TNXB: variants seen among roughly 807,000 people sequenced by gnomAD.
The protein encoded by TNXB is tenascin XB.
TNXB carries 183 observed loss-of-function variants against 340.5 expected under a neutral mutation model. The observed-to-expected ratio is 0.54, with a 90% CI of 0.48 to 0.61. The LOEUF (loss-of-function observed/expected upper bound fraction) is 0.61. Ranked by LOEUF, TNXB falls within the 20% of genes least tolerant of loss-of-function variation. The pLI is 0.00. For missense variants in TNXB, 4,613 were observed against 5,446.4 expected, an observed-to-expected ratio of 0.85 and a Z score of 4.82; for synonymous variants, 2,121 against 2,314.5, an observed-to-expected ratio of 0.92 and a Z score of 2.40.
chr6:32,067,755 C>A lies in TNXB; in HGVS notation c.6450G>T (p.Val2150=), dbSNP rs1439828406. ...RVGGEESEVT[V]GGLEPGRKYK... ...ACTTGCGCCCAGGCTCCAGGCCCCC[C>A]ACGGTGACTTCACTCTCCTCGCCCC... The change falls in exon 18 of 44, where the codon GTG becomes GTT. Residue 2150 remains valine, a synonymous_variant. Coordinates refer to ENST00000644971, the MANE Select transcript of TNXB (RefSeq NM_001365276.2). The surrounding 1 kb of genome is among the most constrained non-coding windows in gnomAD (Gnocchi z 4.2). 2 of 1,613,592 alleles carry A rather than the reference C, an allele frequency of 1.2e-6. No homozygotes were observed. The highest frequency in any genetic ancestry group is 1.1e-5 in the South Asian group (1 of 91,050).
intron 24 of TNXB, 110 bp from the exon 25 acceptor site, chr6:32,053,821 C>T (rs1200553132): frequency 1.2e-5 from 15 of 1,261,622 alleles, no homozygotes; most frequent in Admixed American, 2.1e-5. Context: ...CTGCCCACAG[C>T]GCCTCCAGCA....
rs924848630 is a variant in TNXB at position 32,083,089 on chromosome 6, C to T, written c.3446-763G>A. 3.9e-5 allele frequency among the ~76,000 whole-genome samples: 6 copies of T among 152,160 alleles called. 1 individual carries two copies. Among genetic ancestry groups the T allele is most frequent in the Non-Finnish European group, 8.8e-5 (6 of 68,042 alleles). On this transcript the variant is annotated intron_variant, in intron 8 of 43. Coordinates refer to ENST00000644971, the MANE Select transcript of TNXB (RefSeq NM_001365276.2). The surrounding 1 kb of genome is among the most constrained non-coding windows in gnomAD (Gnocchi z 4.6). ...ACCAGGCAGCAGCTCTCATGCAGGC[C>T]AGGGGTGGCCTTGCCATTGCTAAAT...
chr6:32,073,852 G>A lies in TNXB; in HGVS notation c.4476C>T (p.Leu1492=), dbSNP rs761004296. 2 of 1,611,608 alleles carry A rather than the reference G, an allele frequency of 1.2e-6. No individual in the cohort carries two copies. Among genetic ancestry groups the A allele is most frequent in the African/African-American group, 1.3e-5 (1 of 74,960 alleles). Residue 1492 remains leucine, a synonymous_variant, in exon 12 of 44, where the codon CTC becomes CTT. Transcript: ENST00000644971. The surrounding 1 kb of genome is among the most constrained non-coding windows in gnomAD (Gnocchi z 4.6). ...ACTGGCCCTCGGGGACTGTCCAGGAGAGGCCCACAGAGTTGGGGGTCACAT... is the reference window on the plus strand; with the variant it reads ...ACTGGCCCTCGGGGACTGTCCAGGAAAGGCCCACAGAGTTGGGGGTCACAT... The part of the protein sequence containing the change: ...VTDVTPNSVG[L]SWTVPEGQFD...
In TNXB at chr6:32,046,676, C is replaced by T. The variant is rs1776909049; in HGVS notation, c.10325-220G>A. ...AGGCTGCTGCCCAAACTCCTTCCTG[C>T]CCCGCCCCTTCCCTGCTGTGATCGA... On this transcript the variant is annotated intron_variant, in intron 30 of 43. Coordinates refer to ENST00000644971, the MANE Select transcript of TNXB (RefSeq NM_001365276.2). This position sits in a 1 kb window ranked among gnomAD's most constrained non-coding sequence, Gnocchi z 6.9. 2 of 473,052 alleles carry T rather than the reference C, an allele frequency of 4.2e-6. No homozygotes were observed. Among genetic ancestry groups the T allele is most frequent in the South Asian group, 5.5e-5 (1 of 18,118 alleles). The allele number at this position is 473,052 out of a possible 1,614,324, so 29.3% of individuals were successfully genotyped here.
Position 32,090,109 on chromosome 6 carries a change from G to A in TNXB, c.2359-730C>T, listed in dbSNP as rs1298740031. 6.6e-6 allele frequency among the ~76,000 whole-genome samples: 1 copy of A among 152,160 alleles called. No homozygotes were observed. Among genetic ancestry groups the A allele is most frequent in the Non-Finnish European group, 1.5e-5 (1 of 68,032 alleles). ...TCAAAACAAGAACCACCTGCTCAAA[G>A]TTCCACAAATATGTTTCCTGATTGT... On this transcript the variant is annotated intron_variant, in intron 4 of 43. Coordinates refer to ENST00000644971, the MANE Select transcript of TNXB (RefSeq NM_001365276.2). This position sits in a 1 kb window ranked among gnomAD's most constrained non-coding sequence, Gnocchi z 4.3.
rs776095619 is a variant in TNXB at position 32,096,380 on chromosome 6, G to A, written c.1473C>T (p.Asp491=). Residue 491 remains aspartate, a synonymous_variant, in exon 3 of 44, where the codon GAC becomes GAT. Transcript: ENST00000644971. ...CGCCAGGACAGGCGCGCGTGCCGCA[G>A]TCCCGGCCTGTGTACCCCGGCCAAC... The part of the protein sequence containing the change: ...CMCWPGYTGR[D]CGTRACPGDC... The A allele has an allele frequency of 2.4e-4, 378 of 1,562,830 alleles. No individual in the cohort carries two copies. The highest frequency in any genetic ancestry group is 3.1e-4 in the Non-Finnish European group (365 of 1,161,772).
In TNXB at chr6:32,065,012, G is replaced by A; in HGVS notation, c.6650C>T (p.Pro2217Leu). ...SDSLSLSWTV[P>L]EGQFDHFLVQ... ...CAAGAAATGGTCAAACTGGCCCTCG[G>A]GGACTGTCCAGGAGAGGCTGAGGGA... The change falls in exon 19 of 44, where the codon CCC (proline) becomes CTC (leucine). Residue 2217 changes from proline to leucine, a missense_variant. By Grantham distance (98) the Pro-to-Leu change is moderately conservative. Around this residue, in one of 7 missense-constraint regions of TNXB, gnomAD observed 4,327 missense variants for 4,859.4 expected, o/e 0.89. Transcript: ENST00000644971. The A allele has an allele frequency of 6.2e-7, 1 of 1,611,552 alleles. No individual in the cohort carries two copies.
chr6:32,096,927 C>T lies in TNXB; in HGVS notation c.926G>A (p.Arg309Lys). The T allele has an allele frequency of 6.3e-7, 1 of 1,580,958 alleles. No homozygotes were observed. The highest frequency in any genetic ancestry group is 2.2e-5 in the East Asian group (1 of 44,782). The change falls in exon 3 of 44, where the codon AGG (arginine) becomes AAG (lysine). Residue 309 changes from arginine to lysine, a missense_variant. Physicochemically the swap from Arg to Lys is conservative, Grantham distance 26 (BLOSUM62 2). Around this residue, in one of 7 missense-constraint regions of TNXB, gnomAD observed 4,327 missense variants for 4,859.4 expected, o/e 0.89. Coordinates refer to ENST00000644971, the MANE Select transcript of TNXB (RefSeq NM_001365276.2). ...PGYTGEDCGV[R>K]SCPRGCSQRG... is the part of the protein sequence containing the mutation. ...CTGGCTGCAGCCCCGAGGGCAGCTC[C>T]TCACCCCACAGTCCTCGCCAGTGTA...
At chr6:32,076,572 G>A (rs1477432953) in intron 11 of TNXB, among the ~76,000 whole-genome samples, 1 of 152,252 alleles carries the variant, frequency 6.6e-6, no homozygotes, top group Non-Finnish European at 1.5e-5. Context: ...AATGAGCTGA[G>A]AAGATGCCAG....
Position 32,049,680 on chromosome 6 carries a change from G to A in TNXB, c.9440-93C>T. 1.4e-6 allele frequency: 2 copies of A among 1,418,368 alleles called. No individual in the cohort carries two copies. The highest frequency in any genetic ancestry group is 1.9e-6 in the Non-Finnish European group (2 of 1,053,118). The allele number at this position is 1,418,368 out of a possible 1,614,324, so 87.9% of individuals were successfully genotyped here. On this transcript the variant is annotated intron_variant, in intron 27 of 43. Coordinates refer to ENST00000644971, the MANE Select transcript of TNXB (RefSeq NM_001365276.2). The surrounding 1 kb of genome is among the most constrained non-coding windows in gnomAD (Gnocchi z 4.5). ...AGCCAAGGCTATGACTGGGGGACCTGAGGTCATTTCAGAGAAGTCCATTCT... is the reference window on the plus strand; with the variant it reads ...AGCCAAGGCTATGACTGGGGGACCTAAGGTCATTTCAGAGAAGTCCATTCT...
In TNXB at chr6:32,087,099, T is replaced by C. The variant is rs893958481; in HGVS notation, c.2780-981A>G. On this transcript the variant is annotated intron_variant, in intron 6 of 43. Transcript: ENST00000644971. The surrounding 1 kb of genome is among the most constrained non-coding windows in gnomAD (Gnocchi z 9.0). The stretch of plus-strand genomic sequence containing the variant: ...CTAGGGACAATGGACTCGTGCTTTG[T>C]CCTGGGGGCCCCCTGGAGCCCCGGC... Among the ~76,000 whole-genome samples, 5 of 152,206 alleles carry C rather than the reference T, an allele frequency of 3.3e-5. No individual in the cohort carries two copies. The highest frequency in any genetic ancestry group is 9.6e-5 in the African/African-American group (4 of 41,458).
In TNXB at chr6:32,056,745, A is replaced by G; in HGVS notation, c.7984T>C (p.Tyr2662His). 3 of 1,613,276 alleles carry G rather than the reference A, an allele frequency of 1.9e-6. No homozygotes were observed. The highest frequency in any genetic ancestry group is 4.5e-5 in the East Asian group (2 of 44,868). The change falls in exon 23 of 44, where the codon TAC becomes CAC. Residue 2662 changes from tyrosine (Y) to histidine (H), a missense_variant. By Grantham distance (83) the Tyr-to-His change is moderately conservative (BLOSUM62 2). Coordinates refer to ENST00000644971, the MANE Select transcript of TNXB (RefSeq NM_001365276.2). Reference protein sequence around the residue: ...EGQFDHFLVQYRNGDGQPKAV... With the variant: ...EGQFDHFLVQHRNGDGQPKAV... ...TTGGGCTGCCCATCCCCATTCCTGT[A>G]CTGGACCAGGAAGTGGTCAAACTGG...
chr6:32,084,597 G>A lies in TNXB; in HGVS notation c.3261C>T (p.Gly1087=), dbSNP rs376549467. ...ACTGGATCACGAAGGAGTCAAACTC[G>A]CCCTCGGGGACCGTCCAGCGCAGGA... ...SLLLRWTVPE[G]EFDSFVIQYK... is the part of the protein sequence containing the mutation. The change falls in exon 8 of 44, where the codon GGC becomes GGT. Residue 1087 remains glycine, a synonymous_variant. Coordinates refer to ENST00000644971, the MANE Select transcript of TNXB (RefSeq NM_001365276.2). The surrounding 1 kb of genome is among the most constrained non-coding windows in gnomAD (Gnocchi z 5.5). The A allele has an allele frequency of 5.0e-6, 8 of 1,608,316 alleles. No homozygotes were observed. The highest frequency in any genetic ancestry group is 2.2e-5 in the East Asian group (1 of 44,866).
At chr6:32,060,367 C>CACAGCCTGGGCG (rs1375821019) in intron 21 of TNXB, among the ~76,000 whole-genome samples, 1 of 151,638 alleles carries the variant, frequency 6.6e-6, no homozygotes, top group South Asian at 2.1e-4. Context: ...TGAAATAAGC[C>CACAGCCTGGGCG]ACAAGAGCGA....
In TNXB at chr6:32,084,557, C is replaced by T. The variant is rs780388033; in HGVS notation, c.3301G>A (p.Gly1101Arg). ...TCCACGGGCACCACCTGGGGCTGCC[C>T]GTCCCTGTCTTTGTACTGGATCACG... ...SFVIQYKDRDGQPQVVPVEGP... is the reference protein window; with the variant it reads ...SFVIQYKDRDRQPQVVPVEGP... The change falls in exon 8 of 44, where the codon GGG becomes AGG. Residue 1101 changes from glycine (G) to arginine (R), a missense_variant. By Grantham distance (125) the Gly-to-Arg change is moderately radical (BLOSUM62 -2). This residue lies in a region of TNXB where 4,327 missense variants were observed against 4,859.4 expected (regional missense o/e 0.89). Transcript: ENST00000644971. The surrounding 1 kb of genome is among the most constrained non-coding windows in gnomAD (Gnocchi z 5.5). 5.7e-5 allele frequency: 92 copies of T among 1,608,676 alleles called. No individual in the cohort carries two copies. In the African/African-American group the frequency reaches 8.3e-4, roughly 14 times the overall value.
In TNXB at chr6:32,067,694, G is replaced by A. The variant is rs369931629; in HGVS notation, c.6511C>T (p.Arg2171Cys). The change falls in exon 18 of 44, where the codon CGC (arginine) becomes TGC (cysteine). Residue 2171 changes from arginine to cysteine, a missense_variant. Transcript: ENST00000644971. The surrounding 1 kb of genome is among the most constrained non-coding windows in gnomAD (Gnocchi z 4.2). ...MHLYGLHEGR[R>C]VGPVSAVGVT... The stretch of plus-strand genomic sequence containing the variant: ...CCCACAGCAGACACTGGGCCCACGC[G>A]CCGCCCCTCGTGGAGGCCGTACAGG... The A allele has an allele frequency of 2.0e-5, 32 of 1,613,612 alleles. 1 individual carries two copies. Among genetic ancestry groups the A allele is most frequent in the Middle Eastern group, 3.3e-4 (2 of 6,050 alleles).
chr6:32,096,066 T>C lies in TNXB; in HGVS notation c.1787A>G (p.Gln596Arg). Residue 596 changes from glutamine to arginine, a missense_variant, in exon 3 of 44, where the codon CAG becomes CGG. By Grantham distance (43) the Gln-to-Arg change is conservative. Around this residue, in one of 7 missense-constraint regions of TNXB, gnomAD observed 4,327 missense variants for 4,859.4 expected, o/e 0.89. Coordinates refer to ENST00000644971, the MANE Select transcript of TNXB (RefSeq NM_001365276.2). The stretch of plus-strand genomic sequence containing the variant: ...CACACCGTCCTGGCACACGCCGTGC[T>C]GGCTGCAGTCATTCGGGCACTGCCT... Reference protein sequence around the residue: ...GVRQCPNDCSQHGVCQDGVCI... With the variant: ...GVRQCPNDCSRHGVCQDGVCI... The C allele has an allele frequency of 1.2e-6, 2 of 1,612,914 alleles. No homozygotes were observed.
Position 32,048,339 on chromosome 6 carries a change from G to T in TNXB, c.10045+24C>A, listed in dbSNP as rs374592541. On this transcript the variant is annotated intron_variant, in intron 29 of 43. Transcript: ENST00000644971. ...ACAAGGGGGCGAAGGCTCTGGCCGC[G>T]GGAGGCCTCCAGCCCTCACTCACCG... 29 of 1,473,220 alleles carry T rather than the reference G, an allele frequency of 2.0e-5. 1 individual carries two copies. The East Asian group carries it at 6.7e-4, about 34-fold the overall frequency. The allele number at this position is 1,473,220 out of a possible 1,614,324, so 91.3% of individuals were successfully genotyped here.
At position 32,095,904 on chromosome 6, in the gene TNXB, C is replaced by T. The variant is rs17201602; in HGVS notation, c.1949G>A (p.Arg650His). 87,878 of 1,612,498 alleles carry T rather than the reference C, an allele frequency of 0.054. 3,433 individuals are homozygous for T. The highest frequency in any genetic ancestry group is 0.17 in the Middle Eastern group (1,053 of 6,058). Residue 650 changes from arginine (R) to histidine (H), a missense_variant, in exon 3 of 44, where the codon CGC (arginine) becomes CAC (histidine). This residue lies in a region of TNXB where 4,327 missense variants were observed against 4,859.4 expected (regional missense o/e 0.89). Coordinates refer to ENST00000644971, the MANE Select transcript of TNXB (RefSeq NM_001365276.2). ...PGYTGPTCATRMCPADCRGRG... is the reference protein window; with the variant it reads ...PGYTGPTCATHMCPADCRGRG... ...TCCCCGGCAGTCAGCCGGGCACATG[C>T]GGGTGGCACAGGTAGGGCCGGTGTA...
Sources: allele counts gnomAD v4.1 joint callset (sites outside exome capture counted in the v4.1 genomes callset), GRCh38; gene constraint gnomAD v4.1.1; regional missense constraint gnomAD v4.1.1; non-coding constraint Gnocchi (gnomAD v3.1); transcripts MANE v1.5; gene names NCBI Gene and HGNC (gene_info 2026-07-23, HGNC 2026-07-21).